Variants in DNAJC18 observed in about 807,000 individuals in gnomAD.
DNAJC18 encodes DnaJ heat shock protein family (Hsp40) member C18.
Under a neutral mutation model 48.6 loss-of-function variants are expected in DNAJC18, and 40 were observed. That is an observed-to-expected ratio of 0.82 (90% CI 0.64 to 1.07). The LOEUF is 1.07. Among genes scored for constraint, DNAJC18 ranks in the 50% least tolerant of loss-of-function variants. The pLI is 0.00. For synonymous variants in DNAJC18, 135 were observed against 152.2 expected (o/e 0.89, Z 0.83); for missense variants, 340 against 427.7 (o/e 0.79, Z 1.81).
Position 139,420,139 on chromosome 5 carries a change from C to A in DNAJC18, c.866G>T (p.Gly289Val). 1 of 1,610,884 alleles carries A rather than the reference C, an allele frequency of 6.2e-7. No individual in the cohort carries two copies. The highest frequency in any genetic ancestry group is 8.5e-7 in the Non-Finnish European group (1 of 1,179,114). ...TTTCTCCAAGTCATGCAGAGAAGCTCCTCTGTAGGCCTTGTCAAAGTTTTT... is the reference window on the plus strand; with the variant it reads ...TTTCTCCAAGTCATGCAGAGAAGCTACTCTGTAGGCCTTGTCAAAGTTTTT... ...VDKNFDKAYR[G>V]ASLHDLEKTI... The change falls in exon 7 of 8, where the codon GGA becomes GTA. Residue 289 changes from glycine (G) to valine (V), a missense_variant. Gly to Val is a moderately radical substitution (Grantham distance 109). Transcript: ENST00000302060.
intron 5 of DNAJC18, among the ~76,000 whole-genome samples, 185 bp from the exon 6 acceptor site, chr5:139,423,002 A>G (rs1759179755): frequency 6.6e-6 from 1 of 151,922 alleles, no homozygotes; most frequent in South Asian, 2.1e-4. Context: ...CGCCCGGCTT[A>G]GTTTTTGTAT....
intron 3 of DNAJC18, 112 bp from the exon 4 acceptor site, chr5:139,426,469 G>GGGGCCCAAGAAGAGATGCTT: frequency 7.6e-7 from 1 of 1,322,392 alleles, no homozygotes. Context: ...CAACTTCGCA[G>GGGGCCCAAGAAGAGATGCTT]GGGCCCAAGA....
chr5:139,412,555 C>G lies in DNAJC18; in HGVS notation c.*1593G>C, dbSNP rs1383882121. ...GGATTACAGGCTTGAGCCAGTGCACCCGGCCGACTCTCTACCAGAAACTTT... is the reference window on the plus strand; with the variant it reads ...GGATTACAGGCTTGAGCCAGTGCACGCGGCCGACTCTCTACCAGAAACTTT... On this transcript the variant is annotated 3_prime_UTR_variant, in exon 8 of 8. Coordinates refer to ENST00000302060, the MANE Select transcript of DNAJC18 (RefSeq NM_152686.4). The G allele has an allele frequency of 2.5e-6, 1 of 395,396 alleles. No individual in the cohort carries two copies. Among genetic ancestry groups the G allele is most frequent in the Non-Finnish European group, 4.5e-6 (1 of 224,688 alleles). 24.5% of individuals were successfully genotyped at this position (395,396 alleles called of 1,614,324 possible).
At chr5:139,431,349 C>A (rs1759326656) in intron 2 of DNAJC18, among the ~76,000 whole-genome samples, 1 of 152,140 alleles carries the variant, frequency 6.6e-6, no homozygotes, top group Non-Finnish European at 1.5e-5. Flanking sequence ...CTCTATACTC[C>A]TTAGTAGTCA....
chr5:139,428,271 C>T (rs1456628232), intron 3 of DNAJC18, among the ~76,000 whole-genome samples: 1 of 152,114 alleles, frequency 6.6e-6, no homozygotes, highest in East Asian at 1.9e-4. Flanking sequence ...GTGGTGCTCA[C>T]CTGTAGTCCC....
rs1344017325 is a variant in DNAJC18, at chr5:139,412,807, A to T, written c.*1341T>A. 1 of 398,518 alleles carries T rather than the reference A, an allele frequency of 2.5e-6. No homozygotes were observed. Among genetic ancestry groups the T allele is most frequent in the Non-Finnish European group, 4.4e-6 (1 of 226,086 alleles). The allele number at this position is 398,518 out of a possible 1,614,324, so 24.7% of individuals were successfully genotyped here. A position where few individuals can be genotyped will look rare whatever the true frequency, so the allele number is the denominator to read the frequency against. ...TGTTAGACAGGGTCCTGCTTCCTAAAGAGCAGCAGGGATGTTGTCCTGAAC... is the reference window on the plus strand; with the variant it reads ...TGTTAGACAGGGTCCTGCTTCCTAATGAGCAGCAGGGATGTTGTCCTGAAC... On this transcript the variant is annotated 3_prime_UTR_variant, in exon 8 of 8. Transcript: ENST00000302060.
At position 139,428,576 on chromosome 5, in the gene DNAJC18, T is replaced by G; in HGVS notation, c.335A>C (p.Asp112Ala). 1 of 1,614,176 alleles carries G rather than the reference T, an allele frequency of 6.2e-7. No individual in the cohort carries two copies. Among genetic ancestry groups the G allele is most frequent in the Non-Finnish European group, 8.5e-7 (1 of 1,180,024 alleles). The stretch of plus-strand genomic sequence containing the variant: ...TGTTGCTCCAGGAGCACAGTTCTTG[T>G]CAGGGTGAAATTTCAGGGCGAGTTT... Reference protein sequence around the residue: ...YRKLALKFHPDKNCAPGATDA... With the variant: ...YRKLALKFHPAKNCAPGATDA... The change falls in exon 3 of 8, where the codon GAC becomes GCC. Residue 112 changes from aspartate to alanine, a missense_variant. Asp to Ala is a moderately radical substitution (Grantham distance 126). Transcript: ENST00000302060.
intron 6 of DNAJC18, among the ~76,000 whole-genome samples, chr5:139,421,527 CG>C (rs961731111): frequency 3.3e-5 from 5 of 151,562 alleles, no homozygotes; most frequent in African/African-American, 1.2e-4. Flanking sequence ...AAATACTAGC[CG>C]GGCGCGATGG....
chr5:139,429,366 G>A (rs1444634392), intron 2 of DNAJC18, among the ~76,000 whole-genome samples: 1 of 152,070 alleles, frequency 6.6e-6, no homozygotes, highest in East Asian at 1.9e-4. Flanking sequence ...ACAGGTGTGA[G>A]CCACCGTGCC....
At chr5:139,425,195 GCT>G (rs1759217401) in intron 4 of DNAJC18, 81 bp from the exon 5 acceptor site, 3 of 1,233,792 alleles carry the variant, frequency 2.4e-6, no homozygotes, top group Non-Finnish European at 3.4e-6. Flanking sequence ...ATGGAGTTTT[GCT>G]CTGTTACCCA....
intron 2 of DNAJC18, among the ~76,000 whole-genome samples, chr5:139,435,460 A>T (rs1750621923): frequency 6.6e-6 from 1 of 152,112 alleles, no homozygotes; most frequent in Non-Finnish European, 1.5e-5. Context: ...ACATTGATTG[A>T]CTTGTGTGTG....
rs957463005 is a variant in DNAJC18, at chr5:139,410,411, G to A, written c.*3737C>T. On this transcript the variant is annotated 3_prime_UTR_variant, in exon 8 of 8. Transcript: ENST00000302060. Reference sequence around the variant, plus strand: ...AAATGATGTAATCAGTATCTAACACGAGTATATACTTTCTTGGTGGCCACT... The same window carrying A: ...AAATGATGTAATCAGTATCTAACACAAGTATATACTTTCTTGGTGGCCACT... The A allele has an allele frequency of 2.0e-5, 3 of 152,032 alleles. No individual in the cohort carries two copies. The highest frequency in any genetic ancestry group is 4.8e-5 in the African/African-American group (2 of 41,384). 9.4% of individuals were successfully genotyped at this position (152,032 alleles called of 1,614,324 possible).
At chr5:139,416,955 A>T (rs1353427606) in intron 7 of DNAJC18, among the ~76,000 whole-genome samples, 1 of 152,192 alleles carries the variant, frequency 6.6e-6, no homozygotes, top group Admixed American at 6.5e-5. Context: ...TCGGAGGCCG[A>T]GGTGGGCGGA....
In DNAJC18 at chr5:139,413,027, A is replaced by G. The variant is rs1329224121; in HGVS notation, c.*1121T>C. The stretch of plus-strand genomic sequence containing the variant: ...GACCTGGGTCATCCTCTCTGGGCCA[A>G]TGTTCTCATTCATAGAACCAGGGAT... On this transcript the variant is annotated 3_prime_UTR_variant, in exon 8 of 8. Transcript: ENST00000302060. 8 of 397,566 alleles carry G rather than the reference A, an allele frequency of 2.0e-5. No individual in the cohort carries two copies. Among genetic ancestry groups the G allele is most frequent in the Non-Finnish European group, 3.1e-5 (7 of 226,000 alleles). The allele number at this position is 397,566 out of a possible 1,614,324, so 24.6% of individuals were successfully genotyped here.
intron 2 of DNAJC18, among the ~76,000 whole-genome samples, chr5:139,435,771 G>T (rs1245584338): frequency 8.0e-6 from 1 of 125,304 alleles, no homozygotes; most frequent in Non-Finnish European, 1.6e-5. Flanking sequence ...CTAGAGTGCA[G>T]TGGTGCTCAC....
chr5:139,432,428 G>T (rs977725200), intron 2 of DNAJC18, among the ~76,000 whole-genome samples: 1 of 152,046 alleles, frequency 6.6e-6, no homozygotes. Context: ...CTCCCAAAGT[G>T]CTGGGATTAC....
intron 3 of DNAJC18, 104 bp from the exon 4 acceptor site, chr5:139,426,461 A>G: frequency 7.4e-7 from 1 of 1,358,702 alleles, no homozygotes. Context: ...GTGCTGGACA[A>G]CTTCGCAGGG....
chr5:139,421,054 G>A (rs1759144149), intron 6 of DNAJC18, among the ~76,000 whole-genome samples: 1 of 152,124 alleles, frequency 6.6e-6, no homozygotes, highest in African/African-American at 2.4e-5. Flanking sequence ...GAGCAGGTCC[G>A]TGCTTACCCC....
intron 2 of DNAJC18, among the ~76,000 whole-genome samples, chr5:139,429,950 T>C (rs930406764): frequency 2.0e-5 from 3 of 152,118 alleles, no homozygotes; most frequent in African/African-American, 7.2e-5. Flanking sequence ...AAAAACAATT[T>C]ATCTTGGAGA....
Sources: gnomAD v4.1 joint callset for allele counts (sites outside exome capture counted in the v4.1 genomes callset) on GRCh38, gnomAD v4.1.1 for gene constraint, MANE v1.5 for transcripts, NCBI Gene and HGNC (gene_info 2026-07-23, HGNC 2026-07-21) for gene names.